GTF3C2: variants seen among roughly 807,000 people sequenced by gnomAD.
GTF3C2 encodes the protein general transcription factor IIIC subunit 2.
In GTF3C2, 17 loss-of-function variants were observed where a neutral mutation model predicts 117.4. The ratio of observed to expected loss-of-function variants is 0.14; its 90% CI spans 0.10 to 0.22. The LOEUF (loss-of-function observed/expected upper bound fraction) is 0.22, where lower values mean the gene tolerates loss of function less well. GTF3C2 is among the 10% of genes least tolerant of loss of function. The probability of loss-of-function intolerance (pLI) is 1.00; values close to 1 mark genes in which losing one functional copy is unlikely to be tolerated. For missense variants in GTF3C2, 888 were observed against 1,143.6 expected, an observed-to-expected ratio of 0.78 and a Z score of 3.22; for synonymous variants, 437 against 427.0, an observed-to-expected ratio of 1.02 and a Z score of -0.29.
intron 12 of GTF3C2, among the ~76,000 whole-genome samples, chr2:27,331,317 T>A (rs983416165): frequency 6.6e-6 from 1 of 152,188 alleles, no homozygotes; most frequent in Non-Finnish European, 1.5e-5. Context: ...TCTACTTATA[T>A]CTAAAAACAA....
intron 10 of GTF3C2, 139 bp downstream of exon 10, chr2:27,335,459 A>G: frequency 1.4e-6 from 1 of 715,376 alleles, no homozygotes; most frequent in Non-Finnish European, 2.6e-6. Context: ...CCTGAGTCAC[A>G]ATGCAGGGTG....
intron 11 of GTF3C2, 76 bp downstream of exon 11, chr2:27,333,898 A>T: frequency 6.9e-7 from 1 of 1,453,494 alleles, no homozygotes; most frequent in Admixed American, 1.7e-5. Context: ...AAGTATAAGG[A>T]GACTCACTGT....
At chr2:27,328,638 C>A in intron 15 of GTF3C2, 42 bp from the exon 16 acceptor site, 1 of 1,551,348 alleles carries the variant, frequency 6.4e-7, no homozygotes, top group South Asian at 1.1e-5. Context: ...TATATTCATT[C>A]AGAGCTATGA....
chr2:27,343,542 C>T (rs774456786), exon 2 of GTF3C2: 9 of 1,613,964 alleles, frequency 5.6e-6, no homozygotes, highest in East Asian at 4.5e-5. Flanking sequence ...TAGCCGACCC[C>T]GCAGGTATCC....
intron 1 of GTF3C2, 46 bp from the exon 2 acceptor site, chr2:27,343,624 T>C: frequency 6.7e-7 from 1 of 1,501,038 alleles, no homozygotes; most frequent in Non-Finnish European, 9.2e-7. Context: ...AAACTATTTG[T>C]ACTAGCTCAG....
rs1436107591 is a variant in GTF3C2 at position 27,329,606 on chromosome 2, C to CT, written c.1733-84dup. 7.5e-7 allele frequency: 1 copy of CT among 1,334,312 alleles called. No homozygotes were observed. Among genetic ancestry groups the CT allele is most frequent in the Non-Finnish European group, 1.1e-6 (1 of 948,326 alleles). 82.7% of individuals were successfully genotyped at this position (1,334,312 alleles called of 1,614,324 possible). A position where few individuals can be genotyped will look rare whatever the true frequency, so the allele number is the denominator to read the frequency against. ...ATTTCTTTCTCTGGGCTCCTAGGAC[C>CT]TTTGTCTTCTACCCTCAGATCCAAA... On this transcript the variant is annotated intron_variant, in intron 12 of 18. Coordinates refer to ENST00000264720, the Ensembl canonical transcript of GTF3C2. This position sits in a 1 kb window ranked among gnomAD's most constrained non-coding sequence, Gnocchi z 4.5.
chr2:27,342,938 G>C, exon 3 of GTF3C2: 1 of 1,614,102 alleles, frequency 6.2e-7, no homozygotes, highest in South Asian at 1.1e-5. Context: ...AACTTCAGCA[G>C]CAGCAGCTCT....
chr2:27,327,234 C>T (rs1680108246), exon 18 of GTF3C2: 1 of 1,611,374 alleles, frequency 6.2e-7, no homozygotes, highest in African/African-American at 1.3e-5. Context: ...GCCCCTCTCC[C>T]TCCTGCATGC....
At chr2:27,343,401 A>C (rs1680808191) in exon 2 of GTF3C2, 1 of 1,613,938 alleles carries the variant, frequency 6.2e-7, no homozygotes, top group Non-Finnish European at 8.5e-7. Context: ...GTAGGTAATG[A>C]CATCTCTACG....
chr2:27,348,886 G>T (rs1681014067), intron 1 of GTF3C2, among the ~76,000 whole-genome samples: 1 of 151,978 alleles, frequency 6.6e-6, no homozygotes, highest in Non-Finnish European at 1.5e-5. Flanking sequence ...ACCCAGGCTG[G>T]AGTGCAGTGG....
chr2:27,350,554 CTT>C (rs931911908), intron 1 of GTF3C2: 8 of 959,660 alleles, frequency 8.3e-6, no homozygotes, highest in Non-Finnish European at 7.4e-6. Flanking sequence ...AATCTCAACA[CTT>C]TGGGAGGCCA....
chr2:27,327,419 A>G (rs1367175709), intron 17 of GTF3C2, 135 bp from the exon 18 acceptor site: 3 of 473,276 alleles, frequency 6.3e-6, no homozygotes, highest in African/African-American at 6.0e-5. Context: ...TGTGCTTCCC[A>G]GGTTCAAGTG....
chr2:27,342,022 C>T (rs1187901769), exon 4 of GTF3C2: 1 of 1,614,172 alleles, frequency 6.2e-7, no homozygotes, highest in Non-Finnish European at 8.5e-7. Context: ...CTTGGGCCCT[C>T]ACTTTCTTCC....
At chr2:27,326,955 AGCTGTAT>A in intron 18 of GTF3C2, 62 bp from the exon 19 acceptor site, 1 of 1,041,892 alleles carries the variant, frequency 9.6e-7, no homozygotes, top group Admixed American at 2.4e-5. Context: ...GGTGACTCCT[AGCTGTAT>A]GAACAAAAAA....
intron 1 of GTF3C2, chr2:27,350,401 T>C (rs1351949295): frequency 1.0e-6 from 1 of 985,292 alleles, no homozygotes; most frequent in Non-Finnish European, 1.2e-6. Context: ...TGAAAAACAC[T>C]TGCATAAATA....
At chr2:27,336,785 T>A (rs980462970) in intron 7 of GTF3C2, 2 of 237,202 alleles carry the variant, frequency 8.4e-6, no homozygotes. Context: ...ATTTTTAAAT[T>A]CTTTGTAGAG....
At chr2:27,328,734 A>G (rs1470636420) in intron 15 of GTF3C2, 110 bp downstream of exon 15, 1 of 1,047,538 alleles carries the variant, frequency 9.5e-7, no homozygotes, top group East Asian at 2.4e-5. Context: ...ATAGAGTTAC[A>G]ACATCCCTAT....
chr2:27,334,634 T>C (rs993725458), intron 10 of GTF3C2, among the ~76,000 whole-genome samples: 2 of 151,668 alleles, frequency 1.3e-5, no homozygotes. Flanking sequence ...CTGGTTCCCC[T>C]TCACAGCGAA....
Position 27,329,423 on chromosome 2 carries a change from G to C in GTF3C2, c.1833C>G (p.Ala611=). The stretch of plus-strand genomic sequence containing the variant: ...GAAGGGTACGCACAGCCTGGTCATG[G>C]GCTAGGAAACACTGGAAGGGGTAGA... The change falls in exon 13 of 19, where the codon GCC becomes GCG. Residue 611 remains alanine (A), a synonymous_variant. Transcript: ENST00000264720. The surrounding 1 kb of genome is among the most constrained non-coding windows in gnomAD (Gnocchi z 4.5). 6.2e-7 allele frequency: 1 copy of C among 1,614,080 alleles called. No homozygotes were observed. The highest frequency in any genetic ancestry group is 1.1e-5 in the South Asian group (1 of 91,078).
Sources: gnomAD v4.1 joint callset for allele counts (sites outside exome capture counted in the v4.1 genomes callset) on GRCh38, gnomAD v4.1.1 for gene constraint, Gnocchi (gnomAD v3.1) non-coding constraint, MANE v1.5 for transcripts, NCBI Gene and HGNC (gene_info 2026-07-23, HGNC 2026-07-21) for gene names.